PPP4R3A: variants seen among roughly 807,000 people sequenced by gnomAD.
PPP4R3A encodes protein phosphatase 4 regulatory subunit 3A.
Under a neutral mutation model 91.7 loss-of-function variants are expected in PPP4R3A, and 15 were observed. The observed-to-expected ratio is 0.16, with a 90% CI of 0.11 to 0.25. PPP4R3A has a LOEUF of 0.25. Ranked by LOEUF, PPP4R3A falls within the 10% of genes least tolerant of loss-of-function variation. The probability of loss-of-function intolerance (pLI) is 1.00; values close to 1 mark genes in which losing one functional copy is unlikely to be tolerated. For synonymous variants in PPP4R3A, 377 were observed against 348.7 expected, an observed-to-expected ratio of 1.08 and a Z score of -0.91; for missense variants, 623 against 998.4, an observed-to-expected ratio of 0.62 and a Z score of 5.07.
intron 1 of PPP4R3A, among the ~76,000 whole-genome samples, chr14:91,492,840 T>C (rs538551720): frequency 6.6e-6 from 1 of 152,332 alleles, no homozygotes; most frequent in African/African-American, 2.4e-5. Context: ...CAAAACACAT[T>C]TTCCAGTGCC....
At chr14:91,459,828 CTG>C (rs1888010335) in intron 14 of PPP4R3A, among the ~76,000 whole-genome samples, 22 of 106,106 alleles carry the variant, frequency 2.1e-4, no homozygotes, top group Non-Finnish European at 8.5e-5. Context: ...GACTGAGACT[CTG>C]TCAAAAAAAA....
At chr14:91,460,770 G>A (rs1355409748) in intron 14 of PPP4R3A, among the ~76,000 whole-genome samples, 3 of 149,664 alleles carry the variant, frequency 2.0e-5, no homozygotes, top group African/African-American at 7.4e-5. Context: ...ACAGGCGCCC[G>A]CCACCACGCC....
intron 4 of PPP4R3A, 49 bp downstream of exon 4, chr14:91,481,524 ATTG>A (rs1889558768): frequency 6.7e-7 from 1 of 1,489,014 alleles, no homozygotes; most frequent in African/African-American, 1.4e-5. Flanking sequence ...AAAGGAGCAA[ATTG>A]TTTTCGCTGC....
chr14:91,458,860 C>A lies in PPP4R3A; in HGVS notation c.2401G>T (p.Val801Leu), dbSNP rs189558489. Reference sequence around the variant, plus strand: ...TCATCAGGATAATCTACCAGACCCACGAGGCCTCCCTGTTAAGAAATAAGG... The same window carrying A: ...TCATCAGGATAATCTACCAGACCCAAGAGGCCTCCCTGTTAAGAAATAAGG... Reference protein sequence around the residue: ...TAAITTKGGLVGLVDYPDDDE... With the variant: ...TAAITTKGGLLGLVDYPDDDE... The change falls in exon 15 of 15, where the codon GTG becomes TTG. Residue 801 changes from valine to leucine, a missense_variant. By Grantham distance (32) the Val-to-Leu change is conservative. Around this residue, in one of 5 missense-constraint regions of PPP4R3A, gnomAD observed 201 missense variants for 229.9 expected, o/e 0.87. Transcript: ENST00000554943. 2 of 1,611,016 alleles carry A rather than the reference C, an allele frequency of 1.2e-6. No homozygotes were observed. Among genetic ancestry groups the A allele is most frequent in the Admixed American group, 1.7e-5 (1 of 59,516 alleles).
At position 91,489,318 on chromosome 14, in the gene PPP4R3A, T is replaced by TA. The variant is rs1432838328; in HGVS notation, c.198+1428dup. On this transcript the variant is annotated intron_variant, in intron 2 of 14. Transcript: ENST00000554943. ...GGCTCCTAAAATTCTGATAAATACT[T>TA]ACAATTATCAGCCTTATTAAAGGCT... 1.8e-4 allele frequency among the ~76,000 whole-genome samples: 27 copies of TA among 152,278 alleles called. No individual in the cohort carries two copies. In the South Asian group the frequency reaches 2.5e-3, roughly 14 times the overall value.
At chr14:91,501,871 ATTTTTTTTTTTTT>A (rs755484959) in intron 1 of PPP4R3A, among the ~76,000 whole-genome samples, 2 of 100,238 alleles carry the variant, frequency 2.0e-5, no homozygotes, top group African/African-American at 7.8e-5. Context: ...AGCCCGGCTA[ATTTTTTTTTTTTT>A]TTTTTTTTTT....
At position 91,509,894 on chromosome 14, in the gene PPP4R3A, C is replaced by G. The variant is rs1025213516; in HGVS notation, c.-247G>C. On this transcript the variant is annotated 5_prime_UTR_variant, in exon 1 of 15. Transcript: ENST00000554943. ...TTGTCCAGGCCTGGCGAGCCCGGCG[C>G]CCGGCAGCCCCGAGGGGGCCGCGCA... 3.9e-5 allele frequency: 42 copies of G among 1,078,020 alleles called. No individual in the cohort carries two copies. In the African/African-American group the frequency reaches 6.7e-4, roughly 17 times the overall value. 66.8% of individuals were successfully genotyped at this position (1,078,020 alleles called of 1,614,324 possible). A position where few individuals can be genotyped will look rare whatever the true frequency, so the allele number is the denominator to read the frequency against.
chr14:91,471,973 G>A (rs762447762), intron 9 of PPP4R3A, among the ~76,000 whole-genome samples: 7 of 147,986 alleles, frequency 4.7e-5, no homozygotes, highest in African/African-American at 7.5e-5. Flanking sequence ...GCTGGGGCAG[G>A]AGAATTGCTC....
At chr14:91,492,694 C>T (rs1488217063) in intron 1 of PPP4R3A, among the ~76,000 whole-genome samples, 1 of 141,824 alleles carries the variant, frequency 7.1e-6, no homozygotes, top group Non-Finnish European at 1.6e-5. Context: ...GTATTCCCCA[C>T]AAACCCCATT....
At chr14:91,507,596 G>A (rs1383521706) in intron 1 of PPP4R3A, among the ~76,000 whole-genome samples, 10 of 49,228 alleles carry the variant, frequency 2.0e-4, no homozygotes, top group African/African-American at 7.2e-4. Context: ...ATATATACAT[G>A]TTATACATAC....
chr14:91,475,854 T>C lies in PPP4R3A; in HGVS notation c.1223A>G (p.Asp408Gly). The C allele has an allele frequency of 1.2e-6, 2 of 1,613,816 alleles. No individual in the cohort carries two copies. Among genetic ancestry groups the C allele is most frequent in the Non-Finnish European group, 1.7e-6 (2 of 1,179,922 alleles). ...CTCTGTTAACTTCTTACTTACATCATCATTCTGTTGTGCCTCCTGCATGAC... is the reference window on the plus strand; with the variant it reads ...CTCTGTTAACTTCTTACTTACATCACCATTCTGTTGTGCCTCCTGCATGAC... ...EFVMQEAQQN[D>G]DVSKKLTEQK... is the part of the protein sequence containing the mutation. Residue 408 changes from aspartate to glycine, a missense_variant, in exon 7 of 15, where the codon GAT becomes GGT. Coordinates refer to ENST00000554943, the MANE Select transcript of PPP4R3A (RefSeq NM_001366432.2).
chr14:91,482,757 A>G (rs1291956327), intron 3 of PPP4R3A, among the ~76,000 whole-genome samples: 1 of 152,240 alleles, frequency 6.6e-6, no homozygotes, highest in Non-Finnish European at 1.5e-5. Context: ...ACCAAGGGCC[A>G]AAGAGCATGA....
chr14:91,459,519 TAA>T (rs144011966), intron 14 of PPP4R3A, among the ~76,000 whole-genome samples: 7,522 of 152,186 alleles, frequency 0.049, 251 homozygotes, highest in South Asian at 0.072. Context: ...TTTTTAAACA[TAA>T]AGTCTAAAAT....
rs1887883302 is a variant in PPP4R3A at position 91,458,174 on chromosome 14, A to G, written c.*585T>C. Reference sequence around the variant, plus strand: ...CTCAATCTTTAATCAAGTAGGGAGAAGTCCCCACTTAAAAAAAAAAATATC... The same window carrying G: ...CTCAATCTTTAATCAAGTAGGGAGAGGTCCCCACTTAAAAAAAAAAATATC... On this transcript the variant is annotated 3_prime_UTR_variant, in exon 15 of 15. Transcript: ENST00000554943. 6.5e-6 allele frequency: 1 copy of G among 153,600 alleles called. No individual in the cohort carries two copies. Among genetic ancestry groups the G allele is most frequent in the African/African-American group, 2.4e-5 (1 of 41,404 alleles). The allele number at this position is 153,600 out of a possible 1,614,324, so 9.5% of individuals were successfully genotyped here.
intron 10 of PPP4R3A, among the ~76,000 whole-genome samples, chr14:91,467,207 C>A (rs36056836): frequency 6.6e-6 from 1 of 152,274 alleles, no homozygotes; most frequent in African/African-American, 2.4e-5. Context: ...TAAAAGAAAC[C>A]TGCATCAAAA....
rs1217284873 is a variant in PPP4R3A at position 91,476,529 on chromosome 14, AATTAGAAAAAAGGATAAGTG to A, written c.994-25_994-6del. On this transcript the variant is annotated splice_region_variant and splice_polypyrimidine_tract_variant and intron_variant, in intron 5 of 14. Transcript: ENST00000554943. ...AAATTCTTTTAAAAAGTTAACCTGA[AATTAGAAAAAAGGATAAGTG>A]ATATAAAAAGTTTATTTTATTTATT... The A allele has an allele frequency of 1.3e-6, 2 of 1,536,578 alleles. No homozygotes were observed. The highest frequency in any genetic ancestry group is 2.4e-5 in the South Asian group (2 of 84,330).
At chr14:91,499,563 T>C (rs1446554384) in intron 1 of PPP4R3A, among the ~76,000 whole-genome samples, 1 of 151,762 alleles carries the variant, frequency 6.6e-6, no homozygotes, top group South Asian at 2.1e-4. Flanking sequence ...CACATTCCAA[T>C]AGCAAGAAAA....
chr14:91,458,841 G>A lies in PPP4R3A; in HGVS notation c.2420C>T (p.Pro807Leu). Residue 807 changes from proline (P) to leucine (L), a missense_variant, in exon 15 of 15, where the codon CCT becomes CTT. By Grantham distance (98) the Pro-to-Leu change is moderately conservative (BLOSUM62 -3). Transcript: ENST00000554943. ...KGGLVGLVDY[P>L]DDDEDDDEDE... ...CTCATCATCATCTTCATCATCATCA[G>A]GATAATCTACCAGACCCACGAGGCC... The A allele has an allele frequency of 6.2e-7, 1 of 1,613,218 alleles. No individual in the cohort carries two copies. Among genetic ancestry groups the A allele is most frequent in the Non-Finnish European group, 8.5e-7 (1 of 1,179,644 alleles).
intron 11 of PPP4R3A, among the ~76,000 whole-genome samples, chr14:91,464,015 C>CA: frequency 6.6e-6 from 1 of 152,132 alleles, no homozygotes; most frequent in South Asian, 2.1e-4. Flanking sequence ...ACACAACAGC[C>CA]ATGCGTATTT....
Sources: gnomAD v4.1 joint callset for allele counts (sites outside exome capture counted in the v4.1 genomes callset) on GRCh38, gnomAD v4.1.1 for gene constraint, gnomAD v4.1.1 regional missense constraint, MANE v1.5 for transcripts, NCBI Gene and HGNC (gene_info 2026-07-23, HGNC 2026-07-21) for gene names.